Variants in MED13L observed in about 807,000 individuals in gnomAD.
MED13L encodes mediator of RNA polymerase II transcription subunit 13-like.
A neutral mutation model predicts 220.9 loss-of-function variants in MED13L; 7 were observed. That is an observed-to-expected ratio of 0.03 (90% CI 0.02 to 0.06). The LOEUF (loss-of-function observed/expected upper bound fraction) is 0.06. MED13L is among the 10% of genes least tolerant of loss of function. The pLI, the probability that MED13L is intolerant of heterozygous loss-of-function variation, is 1.00. For synonymous variants in MED13L, 1,011 were observed against 1,015.2 expected, an observed-to-expected ratio of 1.00 and a Z score of 0.08; for missense variants, 1,965 against 2,760.5, an observed-to-expected ratio of 0.71 and a Z score of 6.46.
intron 4 of MED13L, among the ~76,000 whole-genome samples, chr12:116,060,746 T>C (rs192965730): frequency 3.7e-4 from 57 of 152,276 alleles, no homozygotes; most frequent in African/African-American, 1.3e-3. Flanking sequence ...ACAGTATGTA[T>C]GCCAATTGTT....
chr12:116,259,275 G>A (rs965625195), intron 1 of MED13L, among the ~76,000 whole-genome samples: 1 of 152,112 alleles, frequency 6.6e-6, no homozygotes, highest in Non-Finnish European at 1.5e-5. Flanking sequence ...GCAGGAAAAG[G>A]TGGAGAATTA....
At chr12:116,172,668 T>C (rs76773779) in intron 2 of MED13L, among the ~76,000 whole-genome samples, 19 of 152,230 alleles carry the variant, frequency 1.2e-4, no homozygotes, top group Non-Finnish European at 2.6e-4. Context: ...TAAAAATGAG[T>C]GACCTTACGC....
chr12:116,182,208 G>A (rs1296046956), intron 2 of MED13L, among the ~76,000 whole-genome samples: 1 of 152,148 alleles, frequency 6.6e-6, no homozygotes, highest in Admixed American at 6.5e-5. Context: ...TGTTGAATAT[G>A]GTTAGAAAAA....
intron 2 of MED13L, among the ~76,000 whole-genome samples, chr12:116,199,410 A>T (rs1881855276): frequency 6.6e-6 from 1 of 152,212 alleles, no homozygotes; most frequent in African/African-American, 2.4e-5. Flanking sequence ...TTTTATGTCA[A>T]ATAGCTTCCT....
chr12:116,193,843 G>T (rs568105569), intron 2 of MED13L, among the ~76,000 whole-genome samples: 2 of 152,218 alleles, frequency 1.3e-5, no homozygotes, highest in South Asian at 4.1e-4. Flanking sequence ...CAAGTAAACC[G>T]ATCACTGTAC....
At chr12:116,057,102 C>A (rs1869038731) in intron 4 of MED13L, among the ~76,000 whole-genome samples, 1 of 152,070 alleles carries the variant, frequency 6.6e-6, no homozygotes, top group Non-Finnish European at 1.5e-5. Flanking sequence ...AATCAGAAGC[C>A]GAATCCCTGA....
chr12:116,248,358 C>A (rs1276475197), intron 1 of MED13L, among the ~76,000 whole-genome samples: 1 of 151,998 alleles, frequency 6.6e-6, no homozygotes, highest in East Asian at 1.9e-4. Flanking sequence ...GTGAGAGCTC[C>A]CTCTAGAAAT....
chr12:115,965,239 A>G (rs911005967), intron 29 of MED13L, among the ~76,000 whole-genome samples: 1 of 152,200 alleles, frequency 6.6e-6, no homozygotes, highest in Non-Finnish European at 1.5e-5. Context: ...AATGGTCTCC[A>G]TTTTGTTGTA....
At chr12:116,260,112 T>G (rs372790685) in intron 1 of MED13L, among the ~76,000 whole-genome samples, 2 of 152,204 alleles carry the variant, frequency 1.3e-5, no homozygotes, top group African/African-American at 4.8e-5. Context: ...TTGGAAATAT[T>G]TGGTATTTCA....
Position 116,041,254 on chromosome 12 carries a change from G to A in MED13L, c.480-18653C>T, listed in dbSNP as rs191140712. ...CTCAGGAGATCTGGCTGTTTGATGA[G>A]TATGTGTGTGTCTCTCCCCTGCTTT... On this transcript the variant is annotated intron_variant, in intron 4 of 30. Coordinates refer to ENST00000281928, the MANE Select transcript of MED13L (RefSeq NM_015335.5). 1.9e-3 allele frequency among the ~76,000 whole-genome samples: 290 copies of A among 152,218 alleles called. 2 individuals carry two copies. The highest frequency in any genetic ancestry group is 0.012 in the Admixed American group (190 of 15,290).
intron 4 of MED13L, among the ~76,000 whole-genome samples, chr12:116,025,596 A>G (rs1161504828): frequency 1.3e-5 from 2 of 152,236 alleles, no homozygotes; most frequent in Non-Finnish European, 2.9e-5. Flanking sequence ...AACCTGGAGG[A>G]CATTATGTTA....
At chr12:116,084,468 CTT>C (rs1047168979) in intron 4 of MED13L, among the ~76,000 whole-genome samples, 38 of 152,184 alleles carry the variant, frequency 2.5e-4, no homozygotes, top group African/African-American at 8.4e-4. Flanking sequence ...ATCATAATGT[CTT>C]GTTTCTTTCA....
intron 2 of MED13L, among the ~76,000 whole-genome samples, chr12:116,185,983 G>A (rs535531734): frequency 1.3e-5 from 2 of 152,122 alleles, no homozygotes; most frequent in East Asian, 1.9e-4. Flanking sequence ...CGTGAGCCAC[G>A]GGCCCAGCCC....
chr12:116,267,977 G>A lies in MED13L; in HGVS notation c.72+9083C>T, dbSNP rs1872963560. 2.0e-5 allele frequency among the ~76,000 whole-genome samples: 3 copies of A among 152,254 alleles called. No individual in the cohort carries two copies. In the South Asian group the frequency reaches 6.2e-4, roughly 32 times the overall value. On this transcript the variant is annotated intron_variant, in intron 1 of 30. Transcript: ENST00000281928. ...CTAGATAAAATATATTCAGAACACA[G>A]AGTTAATCATCAAAATAAGCTGAAA...
chr12:116,246,573 G>T (rs957303201), intron 1 of MED13L, among the ~76,000 whole-genome samples: 3 of 150,302 alleles, frequency 2.0e-5, no homozygotes, highest in African/African-American at 7.4e-5. Context: ...AGCACTTTAG[G>T]AGGCCAAGGC....
rs1663353168 is a variant in MED13L, at chr12:116,121,730, T to C, written c.311-10218A>G. ...TGCAGCAACAGCTGAAATGAACGTC[T>C]AGACATCAAAAACACTTCTTACTCC... On this transcript the variant is annotated intron_variant, in intron 2 of 30. Coordinates refer to ENST00000281928, the MANE Select transcript of MED13L (RefSeq NM_015335.5). Among the ~76,000 whole-genome samples the C allele has an allele frequency of 2.6e-5, 4 of 152,228 alleles. No individual in the cohort carries two copies. In the South Asian group the frequency reaches 8.3e-4, roughly 31 times the overall value.
chr12:116,046,188 T>G (rs7136498), intron 4 of MED13L, among the ~76,000 whole-genome samples: 22,756 of 152,212 alleles, frequency 0.15, 1,909 homozygotes, highest in Middle Eastern at 0.21. Context: ...TTTGTGAAAC[T>G]GGAGTTCTGT....
At chr12:116,060,717 G>T (rs1199356563) in intron 4 of MED13L, among the ~76,000 whole-genome samples, 1 of 152,024 alleles carries the variant, frequency 6.6e-6, no homozygotes, top group Admixed American at 6.5e-5. Flanking sequence ...ATATTTTAAG[G>T]TCTCAGATGT....
intron 1 of MED13L, among the ~76,000 whole-genome samples, chr12:116,246,653 TGACA>T (rs1871118241): frequency 6.9e-6 from 1 of 144,944 alleles, no homozygotes; most frequent in Non-Finnish European, 1.5e-5. Flanking sequence ...ATATACAGAC[TGACA>T]GACACAGCTG....
Sources: gnomAD v4.1 joint callset for allele counts (sites outside exome capture counted in the v4.1 genomes callset) on GRCh38, gnomAD v4.1.1 for gene constraint, MANE v1.5 for transcripts, NCBI Gene and HGNC (gene_info 2026-07-23, HGNC 2026-07-21) for gene names.